ELOVL7: variants seen among roughly 807,000 people sequenced by gnomAD.
The protein encoded by ELOVL7 is very long chain fatty acid elongase 7.
A neutral mutation model predicts 35.7 loss-of-function variants in ELOVL7; 27 were observed. The observed-to-expected ratio is 0.76, with a 90% confidence interval of 0.56 to 1.04. The LOEUF (loss-of-function observed/expected upper bound fraction) is 1.04, where lower values mean the gene tolerates loss of function less well. Ranked by LOEUF, ELOVL7 falls within the 50% of genes least tolerant of loss-of-function variation. The pLI, the probability that ELOVL7 is intolerant of heterozygous loss-of-function variation, is 0.00. For synonymous variants in ELOVL7, 113 were observed against 114.6 expected, an observed-to-expected ratio of 0.99 and a Z score of 0.09; for missense variants, 327 against 340.8, an observed-to-expected ratio of 0.96 and a Z score of 0.32.
chr5:60,835,207 AAGAC>A (rs1026695311), intron 1 of ELOVL7, among the ~76,000 whole-genome samples: 1 of 151,350 alleles, frequency 6.6e-6, no homozygotes, highest in Admixed American at 6.6e-5. Flanking sequence ...AAAAAAAAAA[AAGAC>A]AGAGTAGTCC....
chr5:60,836,152 T>TAC (rs1746787127), intron 1 of ELOVL7, among the ~76,000 whole-genome samples: 1 of 151,928 alleles, frequency 6.6e-6, no homozygotes, highest in African/African-American at 2.4e-5. Context: ...CATATATATA[T>TAC]ATACACATTT....
chr5:60,791,609 T>TG (rs1743940004), intron 2 of ELOVL7, among the ~76,000 whole-genome samples: 1 of 152,228 alleles, frequency 6.6e-6, no homozygotes, highest in South Asian at 2.1e-4. Flanking sequence ...TGGCAGTTTA[T>TG]GGAACAAATC....
intron 1 of ELOVL7, among the ~76,000 whole-genome samples, chr5:60,817,485 C>A (rs1173938473): frequency 6.6e-6 from 1 of 150,988 alleles, no homozygotes; most frequent in Non-Finnish European, 1.5e-5. Context: ...TCAGACATTG[C>A]TGATGGGAAT....
At chr5:60,813,836 T>C (rs1178248567) in intron 1 of ELOVL7, among the ~76,000 whole-genome samples, 1 of 152,158 alleles carries the variant, frequency 6.6e-6, no homozygotes, top group Non-Finnish European at 1.5e-5. Flanking sequence ...TCTTAGATAG[T>C]TAGCTGTCAG....
At chr5:60,788,009 T>A (rs1743702685) in intron 2 of ELOVL7, among the ~76,000 whole-genome samples, 2 of 152,090 alleles carry the variant, frequency 1.3e-5, no homozygotes, top group African/African-American at 4.8e-5. Context: ...GAGAAAGAAA[T>A]CTGAAAAAGA....
chr5:60,803,060 T>C (rs966862301), intron 1 of ELOVL7, among the ~76,000 whole-genome samples: 1 of 152,186 alleles, frequency 6.6e-6, no homozygotes, highest in South Asian at 2.1e-4. Context: ...TTTGGGAGCT[T>C]CAAAATCCTT....
In ELOVL7 at chr5:60,752,556, T is replaced by G. The variant is rs1312478997; in HGVS notation, c.*2068A>C. The G allele has an allele frequency of 6.6e-6, 1 of 152,620 alleles. No individual in the cohort carries two copies. Among genetic ancestry groups the G allele is most frequent in the Non-Finnish European group, 1.5e-5 (1 of 68,032 alleles). 9.5% of individuals were successfully genotyped at this position (152,620 alleles called of 1,614,324 possible). A position where few individuals can be genotyped will look rare whatever the true frequency, so the allele number is the denominator to read the frequency against. Reference sequence around the variant, plus strand: ...CAGGTTAGATATGAAGAGCCAAACCTGGAAAACAGTTAAGGAGTCCTGAGA... The same window carrying G: ...CAGGTTAGATATGAAGAGCCAAACCGGGAAAACAGTTAAGGAGTCCTGAGA... On this transcript the variant is annotated 3_prime_UTR_variant, in exon 9 of 9. Transcript: ENST00000508821.
At chr5:60,755,099 C>G (rs1000987746) in intron 8 of ELOVL7, among the ~76,000 whole-genome samples, 5 of 152,164 alleles carry the variant, frequency 3.3e-5, no homozygotes, top group Non-Finnish European at 7.3e-5. Context: ...AGTGCAGCAA[C>G]CTTTTTACTA....
chr5:60,767,924 A>G (rs777724115), intron 4 of ELOVL7, 21 bp from the exon 5 acceptor site: 4 of 1,598,910 alleles, frequency 2.5e-6, no homozygotes, highest in South Asian at 1.1e-5. Context: ...GCACATGCAT[A>G]TTAAGAAAGG....
At chr5:60,768,818 T>G in intron 4 of ELOVL7, 1 of 372,624 alleles carries the variant, frequency 2.7e-6, no homozygotes, top group South Asian at 2.1e-5. Flanking sequence ...GGAGATCTTC[T>G]CTCTCAGTAT....
At position 60,764,181 on chromosome 5, in the gene ELOVL7, T is replaced by C. The variant is rs201842078; in HGVS notation, c.499+46A>G. The stretch of plus-strand genomic sequence containing the variant: ...AGAAAAATATTTTGTTTTTAGCATA[T>C]AGAAATGTTGTTTATAACACATGAT... On this transcript the variant is annotated intron_variant, in intron 7 of 8. Coordinates refer to ENST00000508821, the MANE Select transcript of ELOVL7 (RefSeq NM_024930.3). The C allele has an allele frequency of 1.0e-5, 13 of 1,281,060 alleles. No homozygotes were observed. The African/African-American group carries it at 1.5e-4, about 15-fold the overall frequency. The allele number at this position is 1,281,060 out of a possible 1,614,324, so 79.4% of individuals were successfully genotyped here.
Position 60,752,438 on chromosome 5 carries a change from T to C in ELOVL7, c.*2186A>G, listed in dbSNP as rs1045334276. 2 of 152,634 alleles carry C rather than the reference T, an allele frequency of 1.3e-5. No individual in the cohort carries two copies. Among genetic ancestry groups the C allele is most frequent in the African/African-American group, 4.8e-5 (2 of 41,448 alleles). The allele number at this position is 152,634 out of a possible 1,614,324, so 9.5% of individuals were successfully genotyped here. A position where few individuals can be genotyped will look rare whatever the true frequency, so the allele number is the denominator to read the frequency against. ...AATAAACTCTCCTGTTTCATCTCTT[T>C]TATTTTTGCCTCATTTTGGTCTCTA... On this transcript the variant is annotated 3_prime_UTR_variant, in exon 9 of 9. Transcript: ENST00000508821.
rs895561709 is a variant in ELOVL7 at position 60,752,487 on chromosome 5, G to T, written c.*2137C>A. ...TATACTACTTGGGTTCTTTGGAAAT[G>T]GTGTGATTTCTAACAGCACCTAGCA... On this transcript the variant is annotated 3_prime_UTR_variant, in exon 9 of 9. Transcript: ENST00000508821. 2.6e-5 allele frequency: 4 copies of T among 152,486 alleles called. No individual in the cohort carries two copies. The highest frequency in any genetic ancestry group is 9.7e-5 in the African/African-American group (4 of 41,384). 9.4% of individuals were successfully genotyped at this position (152,486 alleles called of 1,614,324 possible).
At chr5:60,776,456 CAT>C (rs1205678301) in intron 3 of ELOVL7, among the ~76,000 whole-genome samples, 3 of 152,148 alleles carry the variant, frequency 2.0e-5, no homozygotes, top group Non-Finnish European at 4.4e-5. Flanking sequence ...ACAGCAAAGA[CAT>C]GTAATCAACC....
chr5:60,778,318 A>C (rs569510979), intron 3 of ELOVL7, among the ~76,000 whole-genome samples: 2 of 152,342 alleles, frequency 1.3e-5, no homozygotes, highest in East Asian at 3.9e-4. Context: ...TTCTTCTATA[A>C]GTGGGTAGTG....
intron 1 of ELOVL7, among the ~76,000 whole-genome samples, chr5:60,814,963 C>T (rs1024999111): frequency 6.6e-6 from 1 of 152,192 alleles, no homozygotes; most frequent in Non-Finnish European, 1.5e-5. Flanking sequence ...AAAAACATCA[C>T]ATGAACTACA....
intron 1 of ELOVL7, among the ~76,000 whole-genome samples, chr5:60,831,423 C>T (rs538404786): frequency 6.6e-6 from 1 of 152,310 alleles, no homozygotes; most frequent in African/African-American, 2.4e-5. Context: ...CATGTATACA[C>T]AAATGTGATG....
At chr5:60,764,140 T>A (rs1022043252) in intron 7 of ELOVL7, 87 bp downstream of exon 7, 1 of 867,270 alleles carries the variant, frequency 1.2e-6, no homozygotes, top group Admixed American at 2.6e-5. Context: ...TTTGAGTTTC[T>A]TATAAATCAC....
chr5:60,807,930 C>G (rs1745027313), intron 1 of ELOVL7, among the ~76,000 whole-genome samples: 1 of 125,450 alleles, frequency 8.0e-6, no homozygotes. Flanking sequence ...ACCCGGGAGG[C>G]AGAGGCTGCA....
Sources: allele counts gnomAD v4.1 joint callset (sites outside exome capture counted in the v4.1 genomes callset), GRCh38; gene constraint gnomAD v4.1.1; transcripts MANE v1.5; gene names NCBI Gene and HGNC (gene_info 2026-07-23, HGNC 2026-07-21).